Variants in MYO1A observed in about 807,000 individuals in gnomAD.
MYO1A encodes the protein myosin IA, also known as unconventional myosin-Ia.
A neutral mutation model predicts 138.5 loss-of-function variants in MYO1A; 127 were observed. The ratio of observed to expected loss-of-function variants is 0.92; its 90% CI spans 0.79 to 1.06. The LOEUF (loss-of-function observed/expected upper bound fraction) is 1.06. Ranked by LOEUF, MYO1A falls within the 50% of genes least tolerant of loss-of-function variation. MYO1A has a pLI of 0.00. For synonymous variants in MYO1A, 477 were observed against 497.5 expected (o/e 0.96, Z 0.55); for missense variants, 1,211 against 1,288.8 (o/e 0.94, Z 0.92).
intron 17 of MYO1A, 43 bp downstream of exon 17, chr12:57,038,369 C>T (rs2030675932): frequency 6.3e-7 from 1 of 1,596,186 alleles, no homozygotes; most frequent in East Asian, 2.2e-5. Context: ...CCTGCACGTG[C>T]CATCACATAT....
intron 14 of MYO1A, among the ~76,000 whole-genome samples, chr12:57,040,288 G>A (rs144011362): frequency 6.6e-6 from 1 of 152,294 alleles, no homozygotes; most frequent in Non-Finnish European, 1.5e-5. Flanking sequence ...GTTACGTGAT[G>A]ACAATAAGGT....
Position 57,038,573 on chromosome 12 carries a change from C to T in MYO1A, c.1599G>A (p.Gln533=). 4.3e-6 allele frequency: 7 copies of T among 1,614,202 alleles called. No homozygotes were observed. Among genetic ancestry groups the T allele is most frequent in the Non-Finnish European group, 5.9e-6 (7 of 1,180,046 alleles). The change falls in exon 17 of 28, where the codon CAG becomes CAA. Residue 533 remains glutamine (Q), a synonymous_variant. Coordinates refer to ENST00000300119, the MANE Select transcript of MYO1A (RefSeq NM_005379.4). ...GGGGGTGCTGGGCCTTCCACATGGC[C>T]TGCAACAGGTCTCGGAAGAGTAGGT... ...NNDLLFRDLL[Q]AMWKAQHPLL...
In MYO1A at chr12:57,044,319, G is replaced by A; in HGVS notation, c.641-110C>T. 4.6e-6 allele frequency: 4 copies of A among 877,852 alleles called. No individual in the cohort carries two copies. In the Admixed American group the frequency reaches 6.1e-5, roughly 13 times the overall value. 54.4% of individuals were successfully genotyped at this position (877,852 alleles called of 1,614,324 possible). The stretch of plus-strand genomic sequence containing the variant: ...AATGGATTCATTCACTTATCCAAAG[G>A]AGTCATTTTTGTTTTGGGTTCTTCC... On this transcript the variant is annotated intron_variant, in intron 8 of 27. Transcript: ENST00000300119.
rs1226050209 is a variant in MYO1A, at chr12:57,046,406, TG to T, written c.640+145del. On this transcript the variant is annotated intron_variant, in intron 8 of 27. Transcript: ENST00000300119. The stretch of plus-strand genomic sequence containing the variant: ...AACAATGAGTGGGTGAGGCTGAGAA[TG>T]GGAAATGCAGCAAGGAAAATCTGGG... The T allele has an allele frequency of 8.4e-6, 6 of 716,818 alleles. No homozygotes were observed. In the African/African-American group the frequency reaches 8.7e-5, roughly 10 times the overall value. 44.4% of individuals were successfully genotyped at this position (716,818 alleles called of 1,614,324 possible). A position where few individuals can be genotyped will look rare whatever the true frequency, so the allele number is the denominator to read the frequency against.
upstream of MYO1A, chr12:57,051,021 G>C (rs1315516306): frequency 6.6e-6 from 1 of 152,208 alleles, no homozygotes; most frequent in Non-Finnish European, 1.5e-5. Context: ...AGCTCCCTCT[G>C]ATAGATAAGA....
intron 7 of MYO1A, 84 bp from the exon 8 acceptor site, chr12:57,046,734 G>A (rs775060350): frequency 4.8e-5 from 71 of 1,480,956 alleles, no homozygotes; most frequent in Middle Eastern, 1.7e-4. Context: ...TGCCCCCATC[G>A]CCGGCATTCC....
Position 57,046,602 on chromosome 12 carries a change from T to C in MYO1A, c.590A>G (p.Asn197Ser). 1 of 1,614,038 alleles carries C rather than the reference T, an allele frequency of 6.2e-7. No homozygotes were observed. Among genetic ancestry groups the C allele is most frequent in the Non-Finnish European group, 8.5e-7 (1 of 1,179,994 alleles). ...CAGCAGCTGATAGAAGATGTGGAAG[T>C]TCCTTTCTCCTTTGAGCTGCTTCAC... ...RLVKQLKGERNFHIFYQLLAG... is the reference protein window; with the variant it reads ...RLVKQLKGERSFHIFYQLLAG... The change falls in exon 8 of 28, where the codon AAC (asparagine) becomes AGC (serine). Residue 197 changes from asparagine (N) to serine (S), a missense_variant. Physicochemically the swap from Asn to Ser is conservative, Grantham distance 46. Transcript: ENST00000300119.
At chr12:57,030,007 C>A in intron 24 of MYO1A, 135 bp from the exon 25 acceptor site, 1 of 1,467,790 alleles carries the variant, frequency 6.8e-7, no homozygotes, top group Non-Finnish European at 9.4e-7. Context: ...AGAGCACAGT[C>A]CAGGACCAAG....
rs1300248987 is a variant in MYO1A, at chr12:57,031,173, A to G, written c.2351T>C (p.Val784Ala). 3 of 1,614,110 alleles carry G rather than the reference A, an allele frequency of 1.9e-6. No homozygotes were observed. Among genetic ancestry groups the G allele is most frequent in the Non-Finnish European group, 2.5e-6 (3 of 1,180,014 alleles). Residue 784 changes from valine (V) to alanine (A), a missense_variant and splice_region_variant, in exon 23 of 28, where the codon GTA (valine) becomes GCA (alanine). By Grantham distance (64) the Val-to-Ala change is moderately conservative. Transcript: ENST00000300119. ...TLADFIYKSMVQKFLLGLKNN... is the reference protein window; with the variant it reads ...TLADFIYKSMAQKFLLGLKNN... ...CTTCAGCCCCAGTAGGAATTTCTGT[A>G]CCTAGTTTGGGACCAGGGGGATTGG... is the stretch of plus-strand genomic sequence containing the variant.
rs148981789 is a variant in MYO1A, at chr12:57,041,566, C to T, written c.1099-69G>A. ...CACACCAGGCCAGGTCCTTCTGGAG[C>T]GGATGGGGTTGGAGTAGGGGGCAAA... On this transcript the variant is annotated intron_variant, in intron 12 of 27. Transcript: ENST00000300119. The T allele has an allele frequency of 1.8e-3, 2,533 of 1,374,588 alleles. 32 individuals are homozygous for T. In the African/African-American group the frequency reaches 0.027, roughly 15 times the overall value. The allele number at this position is 1,374,588 out of a possible 1,614,324, so 85.1% of individuals were successfully genotyped here.
chr12:57,037,807 TC>T, intron 18 of MYO1A, 61 bp downstream of exon 18: 1 of 1,577,726 alleles, frequency 6.3e-7, no homozygotes, highest in Non-Finnish European at 8.7e-7. Context: ...CCAGGTCTCT[TC>T]CCCCAGAGAT....
intron 12 of MYO1A, 90 bp from the exon 13 acceptor site, chr12:57,041,587 G>A (rs1021957516): frequency 4.6e-6 from 5 of 1,091,604 alleles, no homozygotes; most frequent in Non-Finnish European, 7.1e-6. Flanking sequence ...GGAGTAGGGG[G>A]CAAACAGAAC....
At chr12:57,042,458 ATTT>A (rs1338758268) in intron 12 of MYO1A, among the ~76,000 whole-genome samples, 2 of 152,170 alleles carry the variant, frequency 1.3e-5, no homozygotes, top group Non-Finnish European at 2.9e-5. Context: ...TTGTGCACAA[ATTT>A]TAGTGAGGAC....
chr12:57,031,824 G>GC (rs894970569), intron 22 of MYO1A, among the ~76,000 whole-genome samples: 1 of 152,212 alleles, frequency 6.6e-6, no homozygotes, highest in African/African-American at 2.4e-5. Flanking sequence ...AATCCAATCA[G>GC]CGGAGGTCAG....
chr12:57,047,058 C>G lies in MYO1A; in HGVS notation c.477+3G>C. The G allele has an allele frequency of 6.2e-7, 1 of 1,614,156 alleles. No individual in the cohort carries two copies. On this transcript the variant is annotated splice_donor_region_variant and intron_variant, in intron 6 of 27. Coordinates refer to ENST00000300119, the MANE Select transcript of MYO1A (RefSeq NM_005379.4). Reference sequence around the variant, plus strand: ...CTTCCCAGGTGGGGAGACATTTACTCACAAATCGGGAGGAATTGTTGTTGC... The same window carrying G: ...CTTCCCAGGTGGGGAGACATTTACTGACAAATCGGGAGGAATTGTTGTTGC...
intron 27 of MYO1A, 122 bp downstream of exon 27, chr12:57,029,010 G>A: frequency 6.3e-6 from 10 of 1,594,632 alleles, no homozygotes; most frequent in Non-Finnish European, 8.6e-6. Context: ...GGGGGCCTGA[G>A]AAACACCTCC....
Position 57,028,937 on chromosome 12 carries a change from C to T in MYO1A, c.3006-56G>A, listed in dbSNP as rs2030117483. On this transcript the variant is annotated intron_variant, in intron 27 of 27. Transcript: ENST00000300119. ...GCCCATCCCCTCACCCCGACTCCCGCATTTCCATGATGGCCCCCCCATCAT... is the reference window on the plus strand; with the variant it reads ...GCCCATCCCCTCACCCCGACTCCCGTATTTCCATGATGGCCCCCCCATCAT... 5 of 1,603,660 alleles carry T rather than the reference C, an allele frequency of 3.1e-6. No individual in the cohort carries two copies. The Admixed American group carries it at 8.5e-5, about 27-fold the overall frequency.
chr12:57,030,945 A>G, intron 23 of MYO1A, 95 bp downstream of exon 23: 1 of 1,482,626 alleles, frequency 6.7e-7, no homozygotes, highest in Non-Finnish European at 9.1e-7. Flanking sequence ...AATTTTTTTA[A>G]TGGGAAAAAA....
intron 4 of MYO1A, 48 bp from the exon 5 acceptor site, chr12:57,047,455 T>A: frequency 6.4e-7 from 1 of 1,565,640 alleles, no homozygotes; most frequent in African/African-American, 1.4e-5. Context: ...GACTAGCCCA[T>A]CCCCCCACCT....
Sources: gnomAD v4.1 joint callset for allele counts (sites outside exome capture counted in the v4.1 genomes callset) on GRCh38, gnomAD v4.1.1 for gene constraint, MANE v1.5 for transcripts, NCBI Gene and HGNC (gene_info 2026-07-23, HGNC 2026-07-21) for gene names.